The following SLC8A1 variants were observed in gnomAD, a reference collection of about 807,000 sequenced individuals.
SLC8A1 encodes the protein sodium/calcium exchanger 1.
Under a neutral mutation model 68.3 loss-of-function variants are expected in SLC8A1, and 18 were observed. The observed-to-expected ratio is 0.26, with a 90% CI of 0.18 to 0.39. SLC8A1 has a LOEUF of 0.39. Among genes scored for constraint, SLC8A1 ranks in the 10% least tolerant of loss-of-function variants. The pLI, the probability that SLC8A1 is intolerant of heterozygous loss-of-function variation, is 1.00. For synonymous variants in SLC8A1, 475 were observed against 415.5 expected (o/e 1.14, Z -1.74); for missense variants, 985 against 1,156.7 (o/e 0.85, Z 2.15).
chr2:40,231,424 T>C (rs1411619804), intron 2 of SLC8A1, among the ~76,000 whole-genome samples: 1 of 152,166 alleles, frequency 6.6e-6, no homozygotes, highest in African/African-American at 2.4e-5. Context: ...TTAATCTTTA[T>C]AGGTGATACT....
At chr2:40,220,978 ACT>A (rs1380615503) in intron 2 of SLC8A1, among the ~76,000 whole-genome samples, 51 of 152,006 alleles carry the variant, frequency 3.4e-4, no homozygotes, top group African/African-American at 1.2e-3. Context: ...CACTTCTGAA[ACT>A]CTTCCAAACA....
chr2:40,247,625 A>G (rs1271569536), intron 2 of SLC8A1, among the ~76,000 whole-genome samples: 3 of 152,232 alleles, frequency 2.0e-5, no homozygotes, highest in Non-Finnish European at 2.9e-5. Context: ...AATAATAAAC[A>G]TTTTAATCAC....
chr2:40,146,800 A>G (rs1399755990), intron 6 of SLC8A1, among the ~76,000 whole-genome samples: 1 of 152,168 alleles, frequency 6.6e-6, no homozygotes, highest in Non-Finnish European at 1.5e-5. Flanking sequence ...GACACTATAC[A>G]GGCCCCATTA....
At chr2:40,244,187 G>A (rs1048665382) in intron 2 of SLC8A1, among the ~76,000 whole-genome samples, 1 of 152,112 alleles carries the variant, frequency 6.6e-6, no homozygotes, top group African/African-American at 2.4e-5. Context: ...CTCCTCACTA[G>A]GGGGTTAGGA....
intron 4 of SLC8A1, among the ~76,000 whole-genome samples, chr2:40,168,360 G>A (rs566946768): frequency 6.6e-6 from 1 of 152,156 alleles, no homozygotes; most frequent in Non-Finnish European, 1.5e-5. Flanking sequence ...GGAGGTGGTG[G>A]AATGCGGAAG....
intron 1 of SLC8A1, among the ~76,000 whole-genome samples, chr2:40,486,610 A>G (rs1704982620): frequency 6.6e-6 from 1 of 152,220 alleles, no homozygotes; most frequent in Non-Finnish European, 1.5e-5. Flanking sequence ...CAGATAATAT[A>G]TCAATGAATA....
intron 6 of SLC8A1, among the ~76,000 whole-genome samples, chr2:40,156,453 A>AAAAC (rs559797974): frequency 1.1e-3 from 167 of 151,348 alleles, no homozygotes; most frequent in Non-Finnish European, 1.9e-3. Flanking sequence ...TGTCAAAAGT[A>AAAAC]AAACAATTTC....
chr2:40,228,558 C>T (rs1255119071), intron 2 of SLC8A1, among the ~76,000 whole-genome samples: 1 of 152,180 alleles, frequency 6.6e-6, no homozygotes, highest in Non-Finnish European at 1.5e-5. Context: ...CTGGCATTGG[C>T]AGTCATGTGT....
At chr2:40,500,894 T>A (rs1397428074) in intron 1 of SLC8A1, among the ~76,000 whole-genome samples, 1 of 138,240 alleles carries the variant, frequency 7.2e-6, no homozygotes, top group East Asian at 2.3e-4. Flanking sequence ...GTAAACTAGA[T>A]CATTTATTTC....
chr2:40,375,647 G>T (rs1679569982), intron 2 of SLC8A1, among the ~76,000 whole-genome samples: 1 of 152,040 alleles, frequency 6.6e-6, no homozygotes, highest in Admixed American at 6.6e-5. Context: ...AAGGATTTCA[G>T]ATGAGTTAAG....
intron 2 of SLC8A1, among the ~76,000 whole-genome samples, chr2:40,366,561 G>C (rs1676261253): frequency 6.6e-6 from 1 of 152,030 alleles, no homozygotes. Context: ...AGGCTGTTCT[G>C]TAGATGCAAT....
chr2:40,268,039 T>G (rs548493716), intron 2 of SLC8A1, among the ~76,000 whole-genome samples: 8 of 152,164 alleles, frequency 5.3e-5, no homozygotes, highest in Non-Finnish European at 8.8e-5. Context: ...TTTACACATT[T>G]TATCACATTT....
intron 2 of SLC8A1, among the ~76,000 whole-genome samples, chr2:40,365,865 G>A (rs1307515781): frequency 6.6e-6 from 1 of 151,812 alleles, no homozygotes; most frequent in Non-Finnish European, 1.5e-5. Flanking sequence ...TATGCATGAT[G>A]GTGCATGCCT....
chr2:40,380,829 G>A (rs1313432648), intron 2 of SLC8A1, among the ~76,000 whole-genome samples: 3 of 151,998 alleles, frequency 2.0e-5, no homozygotes, highest in African/African-American at 7.2e-5. Context: ...ACTAAAATGA[G>A]GGTTACCAGG....
intron 2 of SLC8A1, among the ~76,000 whole-genome samples, chr2:40,284,151 T>C (rs2067910243): frequency 6.6e-6 from 1 of 151,918 alleles, no homozygotes; most frequent in Admixed American, 6.6e-5. Context: ...AAAGTGTGCT[T>C]TCTCTCTCTC....
At chr2:40,113,548 C>T (rs996891745) in exon 8 of SLC8A1, 9 of 152,658 alleles carry the variant, frequency 5.9e-5, no homozygotes, top group Non-Finnish European at 8.8e-5. Flanking sequence ...TTTAAAGGCC[C>T]GTTGGTCACC....
intron 2 of SLC8A1, among the ~76,000 whole-genome samples, chr2:40,245,395 T>C (rs1057255716): frequency 3.3e-5 from 5 of 152,218 alleles, no homozygotes; most frequent in Admixed American, 6.5e-5. Context: ...AAATTCACAG[T>C]GAAAGGCCAC....
At chr2:40,301,017 C>A (rs1338375435) in intron 2 of SLC8A1, among the ~76,000 whole-genome samples, 5 of 152,008 alleles carry the variant, frequency 3.3e-5, no homozygotes. Flanking sequence ...TGTGGTTGAT[C>A]CCTACAATTT....
intron 7 of SLC8A1, among the ~76,000 whole-genome samples, chr2:40,125,801 A>G (rs1259798419): frequency 3.3e-5 from 5 of 152,180 alleles, no homozygotes. Flanking sequence ...AGCTGCTAAG[A>G]ATATGCCATG....
Sources: gnomAD v4.1 joint callset for allele counts (sites outside exome capture counted in the v4.1 genomes callset) on GRCh38, gnomAD v4.1.1 for gene constraint, MANE v1.5 for transcripts, NCBI Gene and HGNC (gene_info 2026-07-23, HGNC 2026-07-21) for gene names.